HTR2C: variants seen among roughly 807,000 people sequenced by gnomAD.
HTR2C encodes 5-hydroxytryptamine (serotonin) receptor 2C, G protein-coupled.
In HTR2C, 5 loss-of-function variants were observed where a neutral mutation model predicts 21.0. The ratio of observed to expected loss-of-function variants is 0.24; its 90% CI spans 0.12 to 0.50. The LOEUF is 0.50. Among genes scored for constraint, HTR2C ranks in the 20% least tolerant of loss-of-function variants. The probability of loss-of-function intolerance (pLI) is 0.98; values close to 1 mark genes in which losing one functional copy is unlikely to be tolerated. For synonymous variants in HTR2C, 150 were observed against 145.3 expected, an observed-to-expected ratio of 1.03 and a Z score of -0.23; for missense variants, 271 against 371.2, an observed-to-expected ratio of 0.73 and a Z score of 2.22.
intron 2 of HTR2C, among the ~76,000 whole-genome samples, chrX:114,721,612 T>G (rs1933219251): frequency 9.3e-6 from 1 of 108,093 alleles, no homozygotes; most frequent in South Asian, 4.2e-4. Context: ...TGCTGAATGG[T>G]AATGCCTAGG....
intron 4 of HTR2C, among the ~76,000 whole-genome samples, chrX:114,757,562 C>T (rs868908137): frequency 8.9e-6 from 1 of 111,760 alleles, no homozygotes; most frequent in Non-Finnish European, 1.9e-5. Flanking sequence ...GTAAACTAGA[C>T]ACTCTGTGCC....
intron 2 of HTR2C, chrX:114,715,179 T>C (rs1275025971): frequency 5.5e-5 from 16 of 289,620 alleles, no homozygotes; most frequent in Admixed American, 4.8e-4. Flanking sequence ...TTTTGTTTGT[T>C]TCTTTCCCCT....
chrX:114,659,560 G>A (rs1370120644), intron 2 of HTR2C, among the ~76,000 whole-genome samples: 9 of 111,020 alleles, frequency 8.1e-5, no homozygotes, highest in African/African-American at 2.9e-4. Flanking sequence ...TCAAGGTTAT[G>A]AAATACAAGG....
intron 4 of HTR2C, among the ~76,000 whole-genome samples, chrX:114,806,309 T>C (rs1374840862): frequency 4.1e-5 from 4 of 98,388 alleles, no homozygotes; most frequent in Non-Finnish European, 8.1e-5. Context: ...ACCATATATA[T>C]ACACTACATA....
At chrX:114,812,869 G>C (rs1306691479) in intron 4 of HTR2C, among the ~76,000 whole-genome samples, 1 of 111,396 alleles carries the variant, frequency 9.0e-6, no homozygotes, top group Non-Finnish European at 1.9e-5. Context: ...TTTATAAATT[G>C]AATTATTATG....
rs1930271730 is a variant in HTR2C at position 114,644,367 on chromosome X, ATATATATATATATATAT to A, written c.-80+30487_-80+30503del. Among the ~76,000 whole-genome samples the A allele has an allele frequency of 7.2e-3, 350 of 48,411 alleles. 3 individuals carry two copies. The highest frequency in any genetic ancestry group is 0.027 in the African/African-American group (291 of 10,659). The allele number at this position is 48,411 out of a possible 115,157, so 42.0% of individuals were successfully genotyped here. ...CTAAAATAAATAAATAAATAAATAT[ATATATATATATATATAT>A]ATATATATATATATATATATATATT... is the stretch of plus-strand genomic sequence containing the variant. On this transcript the variant is annotated intron_variant, in intron 2 of 5. Transcript: ENST00000276198.
chrX:114,682,791 G>A (rs1237655873), intron 2 of HTR2C, among the ~76,000 whole-genome samples: 7 of 111,094 alleles, frequency 6.3e-5, no homozygotes, highest in African/African-American at 2.3e-4. Context: ...TAAAATACTG[G>A]TATATAATAG....
At position 114,584,392 on chromosome X, in the gene HTR2C, G is replaced by A. The variant is rs2147783416; in HGVS notation, c.-414G>A. 1 of 113,213 alleles carries A rather than the reference G, an allele frequency of 8.8e-6. No homozygotes were observed. Among genetic ancestry groups the A allele is most frequent in the African/African-American group, 3.2e-5 (1 of 31,167 alleles). 9.3% of individuals were successfully genotyped at this position (113,213 alleles called of 1,213,427 possible). ...GATGCTGGAGGTGGTCAGTTACTAA[G>A]CTAGAGTAAGATAGCGGAGCGAAAA... On this transcript the variant is annotated 5_prime_UTR_variant, in exon 1 of 6. Coordinates refer to ENST00000276198, the MANE Select transcript of HTR2C (RefSeq NM_000868.4).
At chrX:114,877,993 A>G (rs1314445823) in intron 5 of HTR2C, among the ~76,000 whole-genome samples, 5 of 110,644 alleles carry the variant, frequency 4.5e-5, no homozygotes, top group African/African-American at 1.6e-4. Flanking sequence ...GTGTTTTTCA[A>G]TTCCACTGTT....
intron 2 of HTR2C, among the ~76,000 whole-genome samples, chrX:114,718,501 CTTAA>C (rs1414198844): frequency 8.9e-6 from 1 of 111,961 alleles, no homozygotes; most frequent in East Asian, 2.8e-4. Flanking sequence ...TGGATTCATA[CTTAA>C]TTAAATTTTC....
At chrX:114,733,780 G>A (rs192547407) in intron 4 of HTR2C, among the ~76,000 whole-genome samples, 3 of 110,999 alleles carry the variant, frequency 2.7e-5, no homozygotes, top group Admixed American at 9.6e-5. Flanking sequence ...GGATGCTCTT[G>A]AGCTTGGAAT....
At chrX:114,814,200 G>A (rs995491422) in intron 4 of HTR2C, among the ~76,000 whole-genome samples, 2 of 109,394 alleles carry the variant, frequency 1.8e-5, no homozygotes, top group Non-Finnish European at 3.8e-5. Flanking sequence ...GATGAGGCTG[G>A]AGTAGAAAGC....
At position 114,731,495 on chromosome X, in the gene HTR2C, C is replaced by G. The variant is rs201160243; in HGVS notation, c.237C>G (p.Ser79Arg). 7 of 1,205,010 alleles carry G rather than the reference C, an allele frequency of 5.8e-6. No individual in the cohort carries two copies. Among genetic ancestry groups the G allele is most frequent in the Non-Finnish European group, 7.9e-6 (7 of 889,642 alleles). Residue 79 changes from serine to arginine, a missense_variant, in exon 4 of 6, where the codon AGC becomes AGG. Coordinates refer to ENST00000276198, the MANE Select transcript of HTR2C (RefSeq NM_000868.4). ...ACATCCTTGTGATCATGGCAGTAAG[C>G]ATGGAAAAGAAACTGCACAATGCCA... ...GGNILVIMAVSMEKKLHNATN... is the reference protein window; with the variant it reads ...GGNILVIMAVRMEKKLHNATN...
In HTR2C at chrX:114,594,044, C is replaced by A. The variant is rs906931509; in HGVS notation, c.-147+9385C>A. 2.7e-5 allele frequency among the ~76,000 whole-genome samples: 3 copies of A among 111,322 alleles called. No homozygotes were observed. The East Asian group carries it at 8.5e-4, about 31-fold the overall frequency. On this transcript the variant is annotated intron_variant, in intron 1 of 5. Coordinates refer to ENST00000276198, the MANE Select transcript of HTR2C (RefSeq NM_000868.4). ...GATTGAAGACATGTCTTCTTTTTGT[C>A]TTTTGTTATTTAAAGTAAATTTAAG...
At chrX:114,865,491 C>T (rs2071038434) in intron 5 of HTR2C, among the ~76,000 whole-genome samples, 1 of 111,266 alleles carries the variant, frequency 9.0e-6, no homozygotes, top group African/African-American at 3.3e-5. Flanking sequence ...TTTAATATTC[C>T]CACTAGCAGT....
intron 5 of HTR2C, among the ~76,000 whole-genome samples, chrX:114,877,075 TG>T (rs1569501873): frequency 9.0e-6 from 1 of 111,372 alleles, no homozygotes; most frequent in Non-Finnish European, 1.9e-5. Flanking sequence ...CATGTAGTCT[TG>T]GGCTTCTCTT....
chrX:114,672,589 C>T (rs1258685210), intron 2 of HTR2C, among the ~76,000 whole-genome samples: 1 of 111,505 alleles, frequency 9.0e-6, no homozygotes, highest in Non-Finnish European at 1.9e-5. Flanking sequence ...ATGGGTATTC[C>T]TTACCTTTGA....
At chrX:114,701,129 C>T (rs1360380527) in intron 2 of HTR2C, among the ~76,000 whole-genome samples, 1 of 112,410 alleles carries the variant, frequency 8.9e-6, no homozygotes, top group Non-Finnish European at 1.9e-5. Flanking sequence ...CCCCTGGGGG[C>T]AGGGCACAGA....
intron 4 of HTR2C, among the ~76,000 whole-genome samples, chrX:114,834,107 A>T (rs1156280124): frequency 1.8e-5 from 2 of 108,954 alleles, no homozygotes. Flanking sequence ...TGCTGAGGAG[A>T]GCTTTACTTC....
Sources: allele counts gnomAD v4.1 joint callset (sites outside exome capture counted in the v4.1 genomes callset), GRCh38; gene constraint gnomAD v4.1.1; transcripts MANE v1.5; gene names NCBI Gene and HGNC (gene_info 2026-07-23, HGNC 2026-07-21).